XPO1: variants seen among roughly 807,000 people sequenced by gnomAD.
XPO1 encodes exportin 1, also known as exportin-1.
A neutral mutation model predicts 133.3 loss-of-function variants in XPO1; 5 were observed. That is an observed-to-expected ratio of 0.04 (90% confidence interval 0.02 to 0.08). XPO1 has a LOEUF of 0.08. Among genes scored for constraint, XPO1 ranks in the 10% least tolerant of loss-of-function variants. The pLI, the probability that XPO1 is intolerant of heterozygous loss-of-function variation, is 1.00. For missense variants in XPO1, 506 were observed against 1,267.5 expected (o/e 0.40, Z 9.12); for synonymous variants, 419 against 408.2 (o/e 1.03, Z -0.32).
At chr2:61,498,010 T>TA (rs1230499871) in intron 9 of XPO1, among the ~76,000 whole-genome samples, 2 of 152,260 alleles carry the variant, frequency 1.3e-5, no homozygotes, top group African/African-American at 4.8e-5. Context: ...ATTAGATACT[T>TA]AATTTATTCA....
intron 17 of XPO1, 147 bp downstream of exon 17, chr2:61,490,495 C>G (rs970299105): frequency 8.4e-7 from 1 of 1,189,634 alleles, no homozygotes; most frequent in South Asian, 1.5e-5. Flanking sequence ...CACCACACCT[C>G]GCCCAGATAA....
intron 10 of XPO1, 128 bp from the exon 11 acceptor site, chr2:61,495,741 A>G: frequency 1.1e-6 from 1 of 880,784 alleles, no homozygotes; most frequent in Non-Finnish European, 1.5e-6. Context: ...GTATGACCAA[A>G]GCTCACTGCA....
chr2:61,505,836 G>A (rs924356369), intron 4 of XPO1, among the ~76,000 whole-genome samples: 1 of 152,064 alleles, frequency 6.6e-6, no homozygotes, highest in African/African-American at 2.4e-5. Flanking sequence ...GGGATTACAT[G>A]AGCCACCGCG....
intron 2 of XPO1, among the ~76,000 whole-genome samples, chr2:61,531,584 TGAAGATTAAACA>T (rs1699156873): frequency 6.6e-6 from 1 of 152,216 alleles, no homozygotes; most frequent in East Asian, 1.9e-4. Context: ...TAGTTTAGTG[TGAAGATTAAACA>T]GTATTAGTAG....
intron 22 of XPO1, 27 bp downstream of exon 22, chr2:61,482,930 A>G (rs756863726): frequency 3.1e-6 from 5 of 1,612,712 alleles, no homozygotes; most frequent in Non-Finnish European, 4.2e-6. Context: ...GCTGGCACTT[A>G]ACATTTAAAT....
Position 61,534,061 on chromosome 2 carries a change from C to T in XPO1, c.-6-158G>A, listed in dbSNP as rs148880178. 3,964 of 684,620 alleles carry T rather than the reference C, an allele frequency of 5.8e-3. 29 individuals are homozygous for T. The highest frequency in any genetic ancestry group is 0.043 in the Middle Eastern group (94 of 2,180). 42.4% of individuals were successfully genotyped at this position (684,620 alleles called of 1,614,324 possible). The stretch of plus-strand genomic sequence containing the variant: ...AAACTGAGATAGTAAAAGCAAGTAA[C>T]AAAAGCTGAAATTACTTAGCTATTT... On this transcript the variant is annotated intron_variant, in intron 1 of 24. Coordinates refer to ENST00000401558, the MANE Select transcript of XPO1 (RefSeq NM_003400.4).
intron 7 of XPO1, 63 bp downstream of exon 7, chr2:61,499,650 T>C: frequency 2.7e-5 from 39 of 1,431,280 alleles, no homozygotes; most frequent in Non-Finnish European, 3.7e-5. Flanking sequence ...ACAATTTACA[T>C]CCAAACTGCT....
chr2:61,533,645 A>T, intron 2 of XPO1, 127 bp downstream of exon 2: 1 of 1,159,796 alleles, frequency 8.6e-7, no homozygotes. Context: ...TATGGTTAAT[A>T]CAGAATTCCA....
In XPO1 at chr2:61,482,576, A is replaced by G. The variant is rs775811849; in HGVS notation, c.2813-37T>C. 4 of 1,513,600 alleles carry G rather than the reference A, an allele frequency of 2.6e-6. No homozygotes were observed. The South Asian group carries it at 5.0e-5, about 19-fold the overall frequency. 93.8% of individuals were successfully genotyped at this position (1,513,600 alleles called of 1,614,324 possible). ...AAGAAAATTATTAACTCCAAAATGT[A>G]ATATAACTATAGATCTTAGCGTTTT... On this transcript the variant is annotated intron_variant, in intron 22 of 24. Coordinates refer to ENST00000401558, the MANE Select transcript of XPO1 (RefSeq NM_003400.4).
At chr2:61,501,086 T>C (rs896466467) in intron 6 of XPO1, among the ~76,000 whole-genome samples, 20 of 152,302 alleles carry the variant, frequency 1.3e-4, no homozygotes, top group African/African-American at 4.8e-4. Flanking sequence ...ACCTTCTTTA[T>C]ATTCTCTCCT....
chr2:61,481,347 T>C, intron 23 of XPO1, 66 bp from the exon 24 acceptor site: 2 of 1,281,062 alleles, frequency 1.6e-6, no homozygotes, highest in South Asian at 2.8e-5. Context: ...TATTGCTCTG[T>C]CACCAGGCTG....
intron 1 of XPO1, 83 bp from the exon 2 acceptor site, chr2:61,533,986 C>G: frequency 8.1e-7 from 1 of 1,231,248 alleles, no homozygotes; most frequent in Non-Finnish European, 1.0e-6. Flanking sequence ...TTACTTCAAC[C>G]ATGTTATTAC....
At chr2:61,494,959 A>G (rs1480012466) in intron 11 of XPO1, among the ~76,000 whole-genome samples, 5 of 151,884 alleles carry the variant, frequency 3.3e-5, no homozygotes, top group Non-Finnish European at 7.4e-5. Context: ...CCTGTGCTTC[A>G]GCCTCCTGAG....
At chr2:61,514,025 A>G (rs1478709951) in intron 4 of XPO1, among the ~76,000 whole-genome samples, 1 of 151,982 alleles carries the variant, frequency 6.6e-6, no homozygotes, top group Non-Finnish European at 1.5e-5. Context: ...TCTACTACTA[A>G]AAATACGAAA....
intron 24 of XPO1, among the ~76,000 whole-genome samples, chr2:61,479,754 A>T (rs940576960): frequency 6.6e-6 from 1 of 152,050 alleles, no homozygotes; most frequent in African/African-American, 2.4e-5. Context: ...CTAGAGACGT[A>T]GTTTCACCAT....
At chr2:61,514,608 A>AG (rs937662800) in intron 4 of XPO1, among the ~76,000 whole-genome samples, 13 of 151,546 alleles carry the variant, frequency 8.6e-5, no homozygotes, top group South Asian at 2.1e-4. Context: ...AAAAAAAAAA[A>AG]AAAGAAAGAA....
intron 2 of XPO1, among the ~76,000 whole-genome samples, chr2:61,529,118 T>TC (rs987917167): frequency 2.0e-5 from 3 of 151,864 alleles, no homozygotes; most frequent in Non-Finnish European, 1.5e-5. Context: ...GCCTGGGAAG[T>TC]CAAGGCTGCA....
In XPO1 at chr2:61,478,122, AG is replaced by A. The variant is rs1422260404; in HGVS notation, c.*697del. ...TAACCATTTCACTTCGAGTTAATGA[AG>A]GCTCACAAATGAGCAACACTCCTCA... On this transcript the variant is annotated 3_prime_UTR_variant, in exon 25 of 25. Coordinates refer to ENST00000401558, the MANE Select transcript of XPO1 (RefSeq NM_003400.4). 8.6e-6 allele frequency: 2 copies of A among 232,882 alleles called. No homozygotes were observed. The highest frequency in any genetic ancestry group is 4.4e-5 in the African/African-American group (2 of 45,306). The allele number at this position is 232,882 out of a possible 1,614,324, so 14.4% of individuals were successfully genotyped here.
intron 4 of XPO1, among the ~76,000 whole-genome samples, chr2:61,521,786 T>A (rs1698703140): frequency 6.6e-6 from 1 of 152,080 alleles, no homozygotes. Context: ...AGACGGAGTT[T>A]CGCTCGTTGC....
Sources: gnomAD v4.1 joint callset for allele counts (sites outside exome capture counted in the v4.1 genomes callset) on GRCh38, gnomAD v4.1.1 for gene constraint, MANE v1.5 for transcripts, NCBI Gene and HGNC (gene_info 2026-07-23, HGNC 2026-07-21) for gene names.